UBE2H: variants seen among roughly 807,000 people sequenced by gnomAD.
UBE2H encodes the protein ubiquitin-conjugating enzyme E2 H.
In UBE2H, 3 loss-of-function variants were observed where a neutral mutation model predicts 29.0. The observed-to-expected ratio is 0.10, with a 90% CI of 0.05 to 0.27. The LOEUF (loss-of-function observed/expected upper bound fraction) is 0.27. UBE2H is among the 10% of genes least tolerant of loss of function. The probability of loss-of-function intolerance (pLI) is 1.00; values close to 1 mark genes in which losing one functional copy is unlikely to be tolerated. For synonymous variants in UBE2H, 69 were observed against 82.9 expected, an observed-to-expected ratio of 0.83 and a Z score of 0.91; for missense variants, 68 against 228.2, an observed-to-expected ratio of 0.30 and a Z score of 4.52.
chr7:129,942,483 G>A (rs945212620), intron 1 of UBE2H, among the ~76,000 whole-genome samples: 57 of 152,180 alleles, frequency 3.7e-4, no homozygotes, highest in Middle Eastern at 6.8e-3. Flanking sequence ...GTGAAACTCC[G>A]TCTCTCACAC....
rs61226846 is a variant in UBE2H, at chr7:129,836,879, C to CAAAAAAAAAAAAAAAAAAAAAAAAA, written c.428-1843_428-1819dup. On this transcript the variant is annotated intron_variant, in intron 6 of 6. Transcript: ENST00000355621. ...TAGGCGACAGGGCAAGACTCCGTCT[C>CAAAAAAAAAAAAAAAAAAAAAAAAA]AAAAAAAAAAAAAAAAAAAAAAAAA... 8.8e-4 allele frequency among the ~76,000 whole-genome samples: 65 copies of CAAAAAAAAAAAAAAAAAAAAAAAAA among 73,726 alleles called. 5 individuals are homozygous for CAAAAAAAAAAAAAAAAAAAAAAAAA. Among genetic ancestry groups the CAAAAAAAAAAAAAAAAAAAAAAAAA allele is most frequent in the Non-Finnish European group, 1.3e-3 (48 of 38,356 alleles). The allele number at this position is 73,726 out of a possible 152,430, so 48.4% of individuals were successfully genotyped here. A position where few individuals can be genotyped will look rare whatever the true frequency, so the allele number is the denominator to read the frequency against.
chr7:129,872,375 A>G (rs75692677), intron 3 of UBE2H, among the ~76,000 whole-genome samples: 162 of 152,270 alleles, frequency 1.1e-3, no homozygotes, highest in African/African-American at 3.5e-3. Flanking sequence ...AAGTATTCTA[A>G]GTTCTATAGG....
rs1320068329 is a variant in UBE2H at position 129,833,531 on chromosome 7, T to C, written c.*1406A>G. 6.6e-6 allele frequency: 1 copy of C among 152,164 alleles called. No individual in the cohort carries two copies. The allele number at this position is 152,164 out of a possible 1,614,324, so 9.4% of individuals were successfully genotyped here. A position where few individuals can be genotyped will look rare whatever the true frequency, so the allele number is the denominator to read the frequency against. The stretch of plus-strand genomic sequence containing the variant: ...GAAACTCTGCAGCAACCTGGACATA[T>C]GGTTAGCTGAGTCGACATTTGATTA... On this transcript the variant is annotated 3_prime_UTR_variant, in exon 7 of 7. Transcript: ENST00000355621.
At chr7:129,879,074 G>A (rs2116367927) in intron 3 of UBE2H, among the ~76,000 whole-genome samples, 1 of 152,254 alleles carries the variant, frequency 6.6e-6, no homozygotes, top group South Asian at 2.1e-4. Context: ...TCTTTCTTCT[G>A]CTGTTTAGGG....
intron 3 of UBE2H, among the ~76,000 whole-genome samples, chr7:129,867,732 A>AC (rs1805941529): frequency 7.5e-6 from 1 of 134,172 alleles, no homozygotes; most frequent in East Asian, 2.1e-4. Context: ...ACCAAAAAAA[A>AC]AAAAAAAAAA....
intron 3 of UBE2H, among the ~76,000 whole-genome samples, chr7:129,868,936 T>TC (rs71175046): frequency 0.014 from 76 of 5,324 alleles, no homozygotes; most frequent in Non-Finnish European, 0.017. Context: ...TCTCTCTCTC[T>TC]TTTTTTTTTT....
At chr7:129,887,259 C>A (rs938993549) in intron 1 of UBE2H, among the ~76,000 whole-genome samples, 1 of 147,340 alleles carries the variant, frequency 6.8e-6, no homozygotes, top group Admixed American at 6.9e-5. Flanking sequence ...TCTTGCTCTG[C>A]CACCCAGGCT....
intron 1 of UBE2H, chr7:129,949,011 G>A (rs1807820529): frequency 4.4e-6 from 2 of 456,786 alleles, no homozygotes; most frequent in African/African-American, 2.0e-5. Context: ...GTAGTAACAG[G>A]GCGGCCAATG....
In UBE2H at chr7:129,845,895, A is replaced by T. The variant is rs566216535; in HGVS notation, c.299-6560T>A. 1.4e-4 allele frequency among the ~76,000 whole-genome samples: 22 copies of T among 152,360 alleles called. No individual in the cohort carries two copies. In the South Asian group the frequency reaches 4.6e-3, roughly 32 times the overall value. ...ACAGGGAAGTAACACACATTACTAAAAGTGACTATAAGATATACTTCAAAT... is the reference window on the plus strand; with the variant it reads ...ACAGGGAAGTAACACACATTACTAATAGTGACTATAAGATATACTTCAAAT... On this transcript the variant is annotated intron_variant, in intron 5 of 6. Transcript: ENST00000355621.
intron 1 of UBE2H, among the ~76,000 whole-genome samples, chr7:129,914,017 T>A (rs1806993969): frequency 6.6e-6 from 1 of 152,082 alleles, no homozygotes; most frequent in Non-Finnish European, 1.5e-5. Flanking sequence ...TCAATGCATA[T>A]CTTGGAAGCC....
At chr7:129,871,792 A>G (rs1300011411) in intron 3 of UBE2H, among the ~76,000 whole-genome samples, 1 of 151,900 alleles carries the variant, frequency 6.6e-6, no homozygotes, top group Non-Finnish European at 1.5e-5. Context: ...AGTCATAACC[A>G]CGGTTATTAG....
chr7:129,872,103 C>T (rs1027937236), intron 3 of UBE2H, among the ~76,000 whole-genome samples: 4 of 152,196 alleles, frequency 2.6e-5, no homozygotes, highest in Admixed American at 6.5e-5. Flanking sequence ...GAACCTCCTG[C>T]CTCGGCCTCC....
At chr7:129,874,004 C>T (rs1806096087) in intron 3 of UBE2H, among the ~76,000 whole-genome samples, 1 of 152,178 alleles carries the variant, frequency 6.6e-6, no homozygotes, top group African/African-American at 2.4e-5. Flanking sequence ...TACCTTATAA[C>T]ACAGTTTTCT....
At position 129,903,702 on chromosome 7, in the gene UBE2H, T is replaced by C. The variant is rs371097256; in HGVS notation, c.54-22731A>G. ...CTGCTTGAGCCCAGGAGTTTGAGACTAGCCTACGCAACAAAGCAAGACGCC... is the reference window on the plus strand; with the variant it reads ...CTGCTTGAGCCCAGGAGTTTGAGACCAGCCTACGCAACAAAGCAAGACGCC... On this transcript the variant is annotated intron_variant, in intron 1 of 6. Coordinates refer to ENST00000355621, the MANE Select transcript of UBE2H (RefSeq NM_003344.4). Among the ~76,000 whole-genome samples the C allele has an allele frequency of 6.6e-5, 10 of 152,266 alleles. No individual in the cohort carries two copies. In the East Asian group the frequency reaches 1.9e-3, roughly 29 times the overall value.
At chr7:129,877,120 TA>T (rs1318520750) in intron 3 of UBE2H, among the ~76,000 whole-genome samples, 1 of 152,252 alleles carries the variant, frequency 6.6e-6, no homozygotes, top group Non-Finnish European at 1.5e-5. Context: ...ATGGGTCATT[TA>T]TACAATTAAA....
chr7:129,838,998 TG>T (rs1805378907), intron 6 of UBE2H, among the ~76,000 whole-genome samples: 1 of 152,172 alleles, frequency 6.6e-6, no homozygotes, highest in African/African-American at 2.4e-5. Context: ...GTTTTAAGGA[TG>T]GGAAAATAGG....
chr7:129,943,692 A>C (rs1027059798), intron 1 of UBE2H, among the ~76,000 whole-genome samples: 7 of 152,092 alleles, frequency 4.6e-5, no homozygotes, highest in African/African-American at 1.7e-4. Context: ...CCTGAGGTCA[A>C]GAGTTCAAGA....
In UBE2H at chr7:129,833,252, A is replaced by G. The variant is rs1380634914; in HGVS notation, c.*1685T>C. ...AAAAGATTGATTGTGCTTTTTGAATAAAAAAGATAGGGTATCTTCCAACCT... is the reference window on the plus strand; with the variant it reads ...AAAAGATTGATTGTGCTTTTTGAATGAAAAAGATAGGGTATCTTCCAACCT... On this transcript the variant is annotated 3_prime_UTR_variant, in exon 7 of 7. Coordinates refer to ENST00000355621, the MANE Select transcript of UBE2H (RefSeq NM_003344.4). 1 of 152,648 alleles carries G rather than the reference A, an allele frequency of 6.6e-6. No individual in the cohort carries two copies. The highest frequency in any genetic ancestry group is 1.5e-5 in the Non-Finnish European group (1 of 68,048). The allele number at this position is 152,648 out of a possible 1,614,324, so 9.5% of individuals were successfully genotyped here.
chr7:129,836,099 T>C (rs1805319685), intron 6 of UBE2H, among the ~76,000 whole-genome samples: 1 of 152,236 alleles, frequency 6.6e-6, no homozygotes, highest in South Asian at 2.1e-4. Flanking sequence ...AAATTCATTA[T>C]AACAAAATTT....
Sources: allele counts gnomAD v4.1 joint callset (sites outside exome capture counted in the v4.1 genomes callset), GRCh38; gene constraint gnomAD v4.1.1; transcripts MANE v1.5; gene names NCBI Gene and HGNC (gene_info 2026-07-23, HGNC 2026-07-21).